XKR9: variants seen among roughly 807,000 people sequenced by gnomAD.
XKR9 encodes XK-related protein 9.
Under a neutral mutation model 32.0 loss-of-function variants are expected in XKR9, and 32 were observed. The observed-to-expected ratio is 1.00, with a 90% CI of 0.76 to 1.34. The LOEUF (loss-of-function observed/expected upper bound fraction) is 1.34, where lower values mean the gene tolerates loss of function less well. XKR9 is among the 40% of genes most tolerant of loss of function. XKR9 has a pLI of 0.00. For missense variants in XKR9, 546 were observed against 429.7 expected (o/e 1.27, Z -2.39); for synonymous variants, 168 against 143.4 (o/e 1.17, Z -1.22).
the XKR9 span, among the ~76,000 whole-genome samples, chr8:70,849,447 G>C: frequency 6.6e-6 from 1 of 152,142 alleles, no homozygotes; most frequent in Non-Finnish European, 1.5e-5. Context: ...ACCAGAATCT[G>C]TGGGACACAG....
the XKR9 span, among the ~76,000 whole-genome samples, chr8:70,980,595 T>C: frequency 6.6e-6 from 1 of 152,236 alleles, no homozygotes; most frequent in East Asian, 1.9e-4. Flanking sequence ...ATTCCTTGTC[T>C]TGTAAGTGGA....
the XKR9 span, among the ~76,000 whole-genome samples, chr8:70,945,202 A>T: frequency 6.6e-6 from 1 of 152,252 alleles, no homozygotes; most frequent in Non-Finnish European, 1.5e-5. Context: ...CTCAGCAGGT[A>T]TATCTTCATG....
At chr8:70,829,609 C>T in the XKR9 span, among the ~76,000 whole-genome samples, 1 of 152,130 alleles carries the variant, frequency 6.6e-6, no homozygotes, top group Admixed American at 6.5e-5. Flanking sequence ...CTACCACACC[C>T]GGTTAATTTT....
intron 1 of XKR9, among the ~76,000 whole-genome samples, chr8:70,669,746 A>G (rs1011756550): frequency 5.4e-5 from 8 of 147,278 alleles, no homozygotes; most frequent in Non-Finnish European, 1.0e-4. Flanking sequence ...GGCTCACTGC[A>G]AGCCCCGCCT....
At chr8:70,914,129 AT>A in the XKR9 span, among the ~76,000 whole-genome samples, 1 of 152,148 alleles carries the variant, frequency 6.6e-6, no homozygotes, top group African/African-American at 2.4e-5. Flanking sequence ...CAGTGGCATG[AT>A]CATAGCTCAC....
chr8:70,933,402 A>G, the XKR9 span, among the ~76,000 whole-genome samples: 2 of 152,022 alleles, frequency 1.3e-5, no homozygotes, highest in African/African-American at 4.8e-5. Flanking sequence ...TTGGAAGAGA[A>G]TGTAGTCAGA....
At chr8:70,687,731 A>C (rs2132126030) in intron 3 of XKR9, among the ~76,000 whole-genome samples, 1 of 152,216 alleles carries the variant, frequency 6.6e-6, no homozygotes, top group African/African-American at 2.4e-5. Context: ...TTAGACTGTT[A>C]AGTGTTTTTT....
the XKR9 span, among the ~76,000 whole-genome samples, chr8:70,892,465 A>T: frequency 4.6e-5 from 7 of 151,668 alleles, no homozygotes; most frequent in African/African-American, 1.5e-4. Flanking sequence ...TATGATAGTG[A>T]TTATTATTTT....
the XKR9 span, among the ~76,000 whole-genome samples, chr8:71,043,188 ACT>A: frequency 6.6e-6 from 1 of 152,164 alleles, no homozygotes; most frequent in Non-Finnish European, 1.5e-5. Flanking sequence ...GTGCCCTGAC[ACT>A]CTGCAAGTGA....
chr8:70,692,723 TGCCCACCGCCACATCCA>T (rs1330038373), intron 3 of XKR9, among the ~76,000 whole-genome samples: 1 of 151,994 alleles, frequency 6.6e-6, no homozygotes, highest in Non-Finnish European at 1.5e-5. Context: ...GGATTACAGG[TGCCCACCGCCACATCCA>T]GCTAATTTTT....
intron 3 of XKR9, among the ~76,000 whole-genome samples, chr8:70,694,642 A>G (rs1476357277): frequency 6.6e-6 from 1 of 152,188 alleles, no homozygotes; most frequent in African/African-American, 2.4e-5. Flanking sequence ...AATAGCAAAG[A>G]TGGCAGCCCG....
the XKR9 span, among the ~76,000 whole-genome samples, chr8:71,038,561 A>T: frequency 1.6e-4 from 24 of 150,442 alleles, no homozygotes; most frequent in Admixed American, 1.3e-4. Flanking sequence ...CCTCGTGATC[A>T]CCCACCTCGG....
chr8:70,669,606 CTGTG>C (rs71560431), intron 1 of XKR9, 68 bp downstream of exon 1: 5 of 148,034 alleles, frequency 3.4e-5, no homozygotes, highest in Admixed American at 1.4e-4. Flanking sequence ...GGCAGTGGCT[CTGTG>C]TGTGTGTGTG....
chr8:70,721,225 A>G (rs767300731), intron 4 of XKR9, among the ~76,000 whole-genome samples: 88 of 151,832 alleles, frequency 5.8e-4, no homozygotes, highest in Non-Finnish European at 1.0e-3. Flanking sequence ...TGGTGTATCT[A>G]TTTTGTTAAT....
rs539775022 is a variant in XKR9, at chr8:70,716,192, G to T, written c.493+9039G>T. Among the ~76,000 whole-genome samples, 131 of 152,084 alleles carry T rather than the reference G, an allele frequency of 8.6e-4. 1 individual carries two copies. Among genetic ancestry groups the T allele is most frequent in the Non-Finnish European group, 1.5e-3 (99 of 67,972 alleles). On this transcript the variant is annotated intron_variant, in intron 4 of 4. Coordinates refer to ENST00000408926, the MANE Select transcript of XKR9 (RefSeq NM_001011720.2). ...AAGATTTTGCTAAGAAATAATTAGA[G>T]GGTTATGAAAACTAACCAAGTGAGG...
At chr8:70,760,300 A>G (rs1807290353) in intron 2 of XKR9, among the ~76,000 whole-genome samples, 2 of 152,180 alleles carry the variant, frequency 1.3e-5, no homozygotes, top group Admixed American at 6.5e-5. Flanking sequence ...TATTTGTAAT[A>G]TTCAGCTATT....
chr8:70,669,836 T>C (rs1225036185), intron 1 of XKR9, among the ~76,000 whole-genome samples: 1 of 151,940 alleles, frequency 6.6e-6, no homozygotes, highest in Non-Finnish European at 1.5e-5. Flanking sequence ...CCGGCTAATT[T>C]TTTGTATTTT....
At chr8:71,018,750 A>G in the XKR9 span, among the ~76,000 whole-genome samples, 12 of 152,368 alleles carry the variant, frequency 7.9e-5, no homozygotes, top group African/African-American at 2.9e-4. Context: ...GGGTAAGAAT[A>G]GGGAAAAAGA....
chr8:70,981,070 A>AT, the XKR9 span, among the ~76,000 whole-genome samples: 66 of 151,766 alleles, frequency 4.3e-4, no homozygotes, highest in African/African-American at 1.4e-3. Context: ...AGCTCTTAAG[A>AT]TTTTTTCCTT....
Sources: allele counts gnomAD v4.1 joint callset (sites outside exome capture counted in the v4.1 genomes callset), GRCh38; gene constraint gnomAD v4.1.1; transcripts MANE v1.5; gene names NCBI Gene and HGNC (gene_info 2026-07-23, HGNC 2026-07-21).